SGCD: variants seen among roughly 807,000 people sequenced by gnomAD.
The protein encoded by SGCD is sarcoglycan delta, also known as delta-sarcoglycan.
SGCD carries 18 observed loss-of-function variants against 36.6 expected under a neutral mutation model. The ratio of observed to expected loss-of-function variants is 0.49; its 90% CI spans 0.34 to 0.73. The LOEUF is 0.73. SGCD is among the 30% of genes least tolerant of loss of function. The pLI, the probability that SGCD is intolerant of heterozygous loss-of-function variation, is 0.01. For synonymous variants in SGCD, 133 were observed against 130.6 expected (o/e 1.02, Z -0.12); for missense variants, 387 against 346.7 (o/e 1.12, Z -0.92).
intron 1 of SGCD, among the ~76,000 whole-genome samples, chr5:156,073,680 A>T (rs1760666815): frequency 6.6e-6 from 1 of 152,226 alleles, no homozygotes; most frequent in Non-Finnish European, 1.5e-5. Flanking sequence ...GCTGTGAGAA[A>T]TTCAAGAGAC....
chr5:156,057,359 A>C (rs1317978417), intron 1 of SGCD, among the ~76,000 whole-genome samples: 2 of 146,576 alleles, frequency 1.4e-5, no homozygotes, highest in Admixed American at 6.8e-5. Context: ...GTCTATCATC[A>C]GGGTCAAATG....
the SGCD span, among the ~76,000 whole-genome samples, chr5:155,765,093 A>G: frequency 6.6e-6 from 1 of 151,926 alleles, no homozygotes; most frequent in Admixed American, 6.6e-5. Flanking sequence ...AGCCTGGGGA[A>G]CATAGTGAAC....
chr5:156,711,150 A>G (rs1053859132), intron 7 of SGCD, among the ~76,000 whole-genome samples: 3 of 152,044 alleles, frequency 2.0e-5, no homozygotes, highest in African/African-American at 7.2e-5. Context: ...CCTTCCCATC[A>G]TGGCCTGAAC....
chr5:156,726,870 T>A (rs1017644893), intron 7 of SGCD, among the ~76,000 whole-genome samples: 1 of 152,230 alleles, frequency 6.6e-6, no homozygotes, highest in African/African-American at 2.4e-5. Flanking sequence ...TACATATCTG[T>A]ATGATTGTGG....
intron 1 of SGCD, among the ~76,000 whole-genome samples, chr5:155,933,346 T>G (rs949605802): frequency 1.1e-4 from 17 of 152,344 alleles, no homozygotes; most frequent in African/African-American, 4.1e-4. Context: ...CTTCAGTTTC[T>G]TGCTTTGTAC....
At chr5:156,601,105 C>G (rs1761172366) in intron 6 of SGCD, among the ~76,000 whole-genome samples, 4 of 152,112 alleles carry the variant, frequency 2.6e-5, no homozygotes, top group Non-Finnish European at 5.9e-5. Context: ...GTTGTCTCTT[C>G]TTTCTCTTGT....
chr5:156,032,201 A>G (rs1360710295), intron 1 of SGCD, among the ~76,000 whole-genome samples: 1 of 151,968 alleles, frequency 6.6e-6, no homozygotes, highest in Non-Finnish European at 1.5e-5. Context: ...TACTTCTACA[A>G]TATCAATGTT....
chr5:156,614,616 C>CT (rs960807810), intron 6 of SGCD, among the ~76,000 whole-genome samples: 2 of 152,118 alleles, frequency 1.3e-5, no homozygotes, highest in East Asian at 1.9e-4. Context: ...CAGTTTAGTC[C>CT]TTTTTTTTAT....
At chr5:156,633,551 T>C (rs1762712856) in intron 6 of SGCD, among the ~76,000 whole-genome samples, 1 of 152,214 alleles carries the variant, frequency 6.6e-6, no homozygotes. Flanking sequence ...GTGAAACCTT[T>C]CTGTGCTTCA....
At chr5:156,030,092 C>G (rs1759312606) in intron 1 of SGCD, among the ~76,000 whole-genome samples, 1 of 152,136 alleles carries the variant, frequency 6.6e-6, no homozygotes, top group African/African-American at 2.4e-5. Flanking sequence ...CTTTAGTTTT[C>G]TGTTCATTAA....
rs573494043 is a variant in SGCD at position 156,538,495 on chromosome 5, T to C, written c.294+29793T>C. ...ACCCCATTGTCTCTGCTCCCAGAGC[T>C]CTATGATTGCTCTGCTCTCAGTGTC... On this transcript the variant is annotated intron_variant, in intron 4 of 8. Transcript: ENST00000337851. 3.3e-5 allele frequency among the ~76,000 whole-genome samples: 5 copies of C among 152,244 alleles called. No homozygotes were observed. In the East Asian group the frequency reaches 9.7e-4, roughly 29 times the overall value.
chr5:156,303,101 C>A (rs1767099088), intron 3 of SGCD, among the ~76,000 whole-genome samples: 1 of 152,194 alleles, frequency 6.6e-6, no homozygotes, highest in Admixed American at 6.5e-5. Context: ...TCCAGGAATG[C>A]CATCTGGGAG....
chr5:156,604,726 A>ATATATATATATATACATATATACACATTT (rs1761346732), intron 6 of SGCD, among the ~76,000 whole-genome samples: 1 of 110,084 alleles, frequency 9.1e-6, no homozygotes, highest in African/African-American at 3.4e-5. Flanking sequence ...TATGCACATT[A>ATATATATATATATACATATATACACATTT]TATATGTATA....
intron 3 of SGCD, among the ~76,000 whole-genome samples, chr5:156,217,705 G>T (rs1764609446): frequency 6.6e-6 from 1 of 151,820 alleles, no homozygotes; most frequent in Non-Finnish European, 1.5e-5. Context: ...TTTTAATCAG[G>T]CAGGGCATAA....
chr5:155,845,843 A>C, the SGCD span, among the ~76,000 whole-genome samples: 2 of 152,216 alleles, frequency 1.3e-5, no homozygotes, highest in Non-Finnish European at 2.9e-5. Context: ...GGACCAGGAC[A>C]GAATGCTATC....
chr5:155,886,723 A>C (rs1554102239), intron 1 of SGCD, among the ~76,000 whole-genome samples: 1 of 152,244 alleles, frequency 6.6e-6, no homozygotes, highest in Non-Finnish European at 1.5e-5. Context: ...CAGGATGGGC[A>C]GGAATTTATC....
At chr5:155,839,616 C>T in the SGCD span, among the ~76,000 whole-genome samples, 1 of 152,258 alleles carries the variant, frequency 6.6e-6, no homozygotes, top group South Asian at 2.1e-4. Flanking sequence ...TTTAACATAT[C>T]TCCTTCTCCC....
At chr5:156,440,496 T>C (rs1753437512) in intron 3 of SGCD, among the ~76,000 whole-genome samples, 2 of 152,158 alleles carry the variant, frequency 1.3e-5, no homozygotes, top group Admixed American at 6.6e-5. Context: ...AATTGCTGGG[T>C]TATATGGCAA....
At chr5:156,372,036 A>G (rs367799238) in intron 3 of SGCD, among the ~76,000 whole-genome samples, 132 of 152,306 alleles carry the variant, frequency 8.7e-4, no homozygotes, top group Middle Eastern at 3.4e-3. Flanking sequence ...TCTTATTTTA[A>G]AAACTGGAAA....
Sources: gnomAD v4.1 joint callset for allele counts (sites outside exome capture counted in the v4.1 genomes callset) on GRCh38, gnomAD v4.1.1 for gene constraint, MANE v1.5 for transcripts, NCBI Gene and HGNC (gene_info 2026-07-23, HGNC 2026-07-21) for gene names.